The following DCDC1 variants were observed in gnomAD, a reference collection of about 807,000 sequenced individuals.
DCDC1 encodes the protein doublecortin domain containing 1.
DCDC1 carries 200 observed loss-of-function variants against 178.3 expected under a neutral mutation model. The ratio of observed to expected loss-of-function variants is 1.12; its 90% confidence interval spans 1.00 to 1.26. The LOEUF (loss-of-function observed/expected upper bound fraction) is 1.26, where lower values mean the gene tolerates loss of function less well. Ranked by LOEUF, DCDC1 falls within the 50% of genes most tolerant of loss-of-function variation. The pLI is 0.00. For synonymous variants in DCDC1, 690 were observed against 604.8 expected, an observed-to-expected ratio of 1.14 and a Z score of -2.07; for missense variants, 1,983 against 1,749.2, an observed-to-expected ratio of 1.13 and a Z score of -2.38.
intron 20 of DCDC1, among the ~76,000 whole-genome samples, chr11:31,048,433 G>A (rs550727405): frequency 6.6e-6 from 1 of 152,324 alleles, no homozygotes; most frequent in East Asian, 1.9e-4. Flanking sequence ...CTGGGCATCT[G>A]AATATTGGCA....
intron 7 of DCDC1, among the ~76,000 whole-genome samples, chr11:31,282,169 G>A (rs375996528): frequency 5.9e-5 from 9 of 152,120 alleles, no homozygotes; most frequent in East Asian, 1.9e-4. Flanking sequence ...ATGAAAGGTT[G>A]ATAAAATTCA....
At chr11:31,097,178 A>G (rs1958218370) in intron 15 of DCDC1, among the ~76,000 whole-genome samples, 1 of 152,216 alleles carries the variant, frequency 6.6e-6, no homozygotes, top group South Asian at 2.1e-4. Flanking sequence ...CAATGCATAC[A>G]CATGCTGGGC....
chr11:31,336,260 T>A (rs1295506354), intron 1 of DCDC1, among the ~76,000 whole-genome samples: 3 of 152,144 alleles, frequency 2.0e-5, no homozygotes, highest in Non-Finnish European at 2.9e-5. Context: ...GGCAAAGATA[T>A]GAAAGAGGCA....
intron 22 of DCDC1, among the ~76,000 whole-genome samples, chr11:30,926,057 T>C (rs956386654): frequency 6.6e-6 from 1 of 152,130 alleles, no homozygotes; most frequent in African/African-American, 2.4e-5. Flanking sequence ...CCTGAGGAGC[T>C]CCGAGTCTGG....
At chr11:31,180,880 G>A (rs990850510) in intron 9 of DCDC1, among the ~76,000 whole-genome samples, 1 of 151,856 alleles carries the variant, frequency 6.6e-6, no homozygotes, top group Non-Finnish European at 1.5e-5. Flanking sequence ...TCACTTCCCT[G>A]GAAAGGGAAC....
intron 8 of DCDC1, among the ~76,000 whole-genome samples, chr11:31,246,377 C>T (rs1383959151): frequency 6.6e-6 from 1 of 151,834 alleles, no homozygotes; most frequent in African/African-American, 2.4e-5. Context: ...GATCCAGCTT[C>T]TAAAATACTT....
chr11:31,175,710 T>C (rs1296785037), intron 9 of DCDC1, among the ~76,000 whole-genome samples: 2 of 152,186 alleles, frequency 1.3e-5, no homozygotes, highest in African/African-American at 4.8e-5. Context: ...TGACAATCAG[T>C]TGAGCACCTC....
chr11:31,012,904 A>G (rs1035358911), intron 20 of DCDC1, among the ~76,000 whole-genome samples: 5 of 152,208 alleles, frequency 3.3e-5, no homozygotes, highest in African/African-American at 1.2e-4. Flanking sequence ...ACACTAATTC[A>G]GAATATAGGT....
intron 15 of DCDC1, 39 bp downstream of exon 15, chr11:31,102,138 T>C (rs756204619): frequency 3.2e-6 from 2 of 618,300 alleles, no homozygotes; most frequent in East Asian, 2.7e-5. Context: ...GTCCAATACA[T>C]AAAGTGCACC....
intron 8 of DCDC1, among the ~76,000 whole-genome samples, chr11:31,255,844 A>AT (rs1183267459): frequency 2.0e-5 from 3 of 151,924 alleles, no homozygotes; most frequent in Non-Finnish European, 2.9e-5. Flanking sequence ...CAATTTAGCT[A>AT]TTTTTTTCTT....
chr11:30,892,844 A>C lies in DCDC1; in HGVS notation c.5056T>G (p.Tyr1686Asp), dbSNP rs757415492. The C allele has an allele frequency of 1.2e-6, 2 of 1,613,922 alleles. No individual in the cohort carries two copies. Among genetic ancestry groups the C allele is most frequent in the Non-Finnish European group, 1.7e-6 (2 of 1,179,824 alleles). The stretch of plus-strand genomic sequence containing the variant: ...TCTGAAATAGTTTTGCCCCAGGCAT[A>C]AGTGCCATCTTCAGGTCTGCCTCCA... ...LNGGRPEDGT[Y>D]AWGKTISELL... is the part of the protein sequence containing the mutation. Residue 1686 changes from tyrosine (Y) to aspartate (D), a missense_variant, in exon 36 of 39, where the codon TAT becomes GAT. Coordinates refer to ENST00000684477, the MANE Select transcript of DCDC1 (RefSeq NM_001387274.1).
chr11:31,006,643 G>T (rs911193737), intron 20 of DCDC1, among the ~76,000 whole-genome samples: 1 of 152,184 alleles, frequency 6.6e-6, no homozygotes, highest in Non-Finnish European at 1.5e-5. Flanking sequence ...ATGGCAGTGA[G>T]AATGTAATCA....
intron 36 of DCDC1, 123 bp from the exon 37 acceptor site, chr11:30,881,431 T>C (rs2133976344): frequency 8.1e-7 from 1 of 1,230,644 alleles, no homozygotes; most frequent in East Asian, 2.4e-5. Flanking sequence ...TGATAGTTGT[T>C]AGACATTCGT....
At chr11:31,216,379 C>T (rs1257574391) in intron 9 of DCDC1, among the ~76,000 whole-genome samples, 1 of 152,110 alleles carries the variant, frequency 6.6e-6, no homozygotes, top group Non-Finnish European at 1.5e-5. Flanking sequence ...CAGTTGAATT[C>T]ACCTTTCAGA....
chr11:31,212,946 A>G (rs1169275199), intron 9 of DCDC1, among the ~76,000 whole-genome samples: 3 of 152,114 alleles, frequency 2.0e-5, no homozygotes, highest in Admixed American at 6.5e-5. Context: ...AAACCTGTGT[A>G]CTACGTGAAG....
At chr11:31,354,010 A>G (rs1159217746) in intron 1 of DCDC1, among the ~76,000 whole-genome samples, 4 of 152,208 alleles carry the variant, frequency 2.6e-5, no homozygotes, top group Non-Finnish European at 5.9e-5. Context: ...GTCAAAGGCC[A>G]GGCGCGGTGG....
At chr11:31,297,595 T>C (rs981532716) in intron 6 of DCDC1, among the ~76,000 whole-genome samples, 26 of 152,254 alleles carry the variant, frequency 1.7e-4, no homozygotes, top group African/African-American at 5.5e-4. Flanking sequence ...TCTGCCAGCG[T>C]TGGCCTCCCA....
At chr11:31,206,604 G>C (rs1309742376) in intron 9 of DCDC1, among the ~76,000 whole-genome samples, 1 of 152,036 alleles carries the variant, frequency 6.6e-6, no homozygotes, top group Non-Finnish European at 1.5e-5. Flanking sequence ...TAGTAAAGAT[G>C]GGGTTCCACT....
rs772447224 is a variant in DCDC1 at position 31,091,476 on chromosome 11, G to C, written c.2154C>G (p.Gly718=). The change falls in exon 17 of 39, where the codon GGC becomes GGG. Residue 718 remains glycine, a synonymous_variant. Transcript: ENST00000684477. The part of the protein sequence containing the change: ...GMILSRAITQ[G]CLAIGHPIRV... ...TGATAGGATGACCAATAGCCAGGCAGCCCTGAGTTATCGCTCGGCTCAGGA... is the reference window on the plus strand; with the variant it reads ...TGATAGGATGACCAATAGCCAGGCACCCCTGAGTTATCGCTCGGCTCAGGA... 2.6e-6 allele frequency: 2 copies of C among 761,426 alleles called. No homozygotes were observed. Among genetic ancestry groups the C allele is most frequent in the Admixed American group, 3.4e-5 (2 of 58,436 alleles). The allele number at this position is 761,426 out of a possible 1,614,324, so 47.2% of individuals were successfully genotyped here. A position where few individuals can be genotyped will look rare whatever the true frequency, so the allele number is the denominator to read the frequency against.
Sources: gnomAD v4.1 joint callset for allele counts (sites outside exome capture counted in the v4.1 genomes callset) on GRCh38, gnomAD v4.1.1 for gene constraint, MANE v1.5 for transcripts, NCBI Gene and HGNC (gene_info 2026-07-23, HGNC 2026-07-21) for gene names.